ZAP70: variants seen among roughly 807,000 people sequenced by gnomAD.
ZAP70 encodes the protein zeta chain of T cell receptor associated protein kinase 70.
In ZAP70, 27 loss-of-function variants were observed where a neutral mutation model predicts 65.8. The ratio of observed to expected loss-of-function variants is 0.41; its 90% CI spans 0.30 to 0.57. The LOEUF is 0.57. ZAP70 is among the 20% of genes least tolerant of loss of function. The pLI is 0.28. For synonymous variants in ZAP70, 363 were observed against 360.8 expected, an observed-to-expected ratio of 1.01 and a Z score of -0.07; for missense variants, 696 against 870.5, an observed-to-expected ratio of 0.80 and a Z score of 2.52.
At chr2:97,717,424 G>A (rs1163043062) in intron 2 of ZAP70, among the ~76,000 whole-genome samples, 2 of 147,412 alleles carry the variant, frequency 1.4e-5, no homozygotes, top group East Asian at 4.0e-4. Flanking sequence ...GCCTCTGGCT[G>A]GGGTGACATG....
At chr2:97,748,450 G>A in the ZAP70 span, among the ~76,000 whole-genome samples, 1 of 152,142 alleles carries the variant, frequency 6.6e-6, no homozygotes, top group Non-Finnish European at 1.5e-5. Context: ...AGGCGAGGAG[G>A]CAACAGGCTG....
chr2:97,746,271 T>A, the ZAP70 span, among the ~76,000 whole-genome samples: 1 of 152,210 alleles, frequency 6.6e-6, no homozygotes, highest in African/African-American at 2.4e-5. Context: ...ACACTGTGAA[T>A]GTAATTGACA....
chr2:97,719,051 G>A (rs62157584), intron 2 of ZAP70, among the ~76,000 whole-genome samples: 12,767 of 152,200 alleles, frequency 0.084, 826 homozygotes, highest in Non-Finnish European at 0.12. Context: ...ATCCAATGCA[G>A]TAGCCATTAG....
At chr2:97,751,394 T>A in the ZAP70 span, among the ~76,000 whole-genome samples, 2 of 152,214 alleles carry the variant, frequency 1.3e-5, no homozygotes, top group South Asian at 2.1e-4. Flanking sequence ...TCAAACTGTA[T>A]ACAGTGGCAT....
downstream of ZAP70, among the ~76,000 whole-genome samples, chr2:97,740,710 G>T (rs532135791): frequency 1.3e-5 from 2 of 152,084 alleles, no homozygotes; most frequent in Non-Finnish European, 2.9e-5. Flanking sequence ...TCCAGAGGCC[G>T]AGGCCAGCTG....
At chr2:97,733,500 C>T in intron 7 of ZAP70, 44 bp from the exon 8 acceptor site, 1 of 1,612,978 alleles carries the variant, frequency 6.2e-7, no homozygotes. Flanking sequence ...ATGAGAGGGG[C>T]TGGACGTCCC....
chr2:97,741,190 A>C (rs1299212732), downstream of ZAP70, among the ~76,000 whole-genome samples: 4 of 152,168 alleles, frequency 2.6e-5, no homozygotes, highest in African/African-American at 9.7e-5. Flanking sequence ...TCCAGAGGCC[A>C]TTATTTCAGT....
rs1054368473 is a variant in ZAP70 at position 97,737,680 on chromosome 2, C to T, written c.1482+15C>T. ...GCTACTACACTGTAAGCCTCTGCCC[C>T]TGTGATGCCCGACTGGATGGGCTGG... On this transcript the variant is annotated intron_variant, in intron 11 of 13. Coordinates refer to ENST00000264972, the MANE Select transcript of ZAP70 (RefSeq NM_001079.4). This position sits in a 1 kb window ranked among gnomAD's most constrained non-coding sequence, Gnocchi z 5.0. 6.2e-7 allele frequency: 1 copy of T among 1,614,064 alleles called. No homozygotes were observed. The highest frequency in any genetic ancestry group is 1.3e-5 in the African/African-American group (1 of 75,038).
At chr2:97,748,343 A>G in the ZAP70 span, among the ~76,000 whole-genome samples, 1 of 152,216 alleles carries the variant, frequency 6.6e-6, no homozygotes, top group Non-Finnish European at 1.5e-5. Context: ...AGTTTAAAGC[A>G]GGTTTTCTTT....
At chr2:97,742,030 C>T (rs1040168069), downstream of ZAP70, among the ~76,000 whole-genome samples, 1 of 152,136 alleles carries the variant, frequency 6.6e-6, no homozygotes, top group African/African-American at 2.4e-5. Context: ...AAGAAAGTAT[C>T]CCAGGGAGCA....
intron 5 of ZAP70, 44 bp downstream of exon 5, chr2:97,733,065 A>G: frequency 3.1e-6 from 5 of 1,613,980 alleles, no homozygotes; most frequent in Non-Finnish European, 4.2e-6. Flanking sequence ...CCGTGCTCAG[A>G]TGGGGTGCCG....
rs1313415781 is a variant in ZAP70 at position 97,736,113 on chromosome 2, G to T, written c.1289+657G>T. On this transcript the variant is annotated intron_variant, in intron 10 of 13. Transcript: ENST00000264972. This position sits in a 1 kb window ranked among gnomAD's most constrained non-coding sequence, Gnocchi z 4.0. Reference sequence around the variant, plus strand: ...GGCCAAATTCATGGCCCCTGGGAAAGTGCCCATTGCCAGTTATCTGGAACC... The same window carrying T: ...GGCCAAATTCATGGCCCCTGGGAAATTGCCCATTGCCAGTTATCTGGAACC... 6.6e-6 allele frequency among the ~76,000 whole-genome samples: 1 copy of T among 152,196 alleles called. No individual in the cohort carries two copies. The highest frequency in any genetic ancestry group is 1.9e-4 in the East Asian group (1 of 5,200).
the ZAP70 span, among the ~76,000 whole-genome samples, chr2:97,753,192 C>A: frequency 6.6e-6 from 1 of 152,238 alleles, no homozygotes; most frequent in South Asian, 2.1e-4. Context: ...TTTACCTACA[C>A]TGTTTTGTAA....
intron 2 of ZAP70, 111 bp from the exon 3 acceptor site, chr2:97,723,905 C>A: frequency 7.9e-7 from 1 of 1,261,146 alleles, no homozygotes; most frequent in Non-Finnish European, 1.1e-6. Context: ...TTGGCGAGCT[C>A]AGTCTGCGGC....
At chr2:97,738,276 A>G in intron 13 of ZAP70, 169 bp downstream of exon 13, 1 of 698,876 alleles carries the variant, frequency 1.4e-6, no homozygotes, top group East Asian at 2.7e-5. Context: ...TCTCCAACAC[A>G]CCAGGGTTTG....
intron 2 of ZAP70, among the ~76,000 whole-genome samples, chr2:97,717,296 C>G (rs1363016833): frequency 1.3e-5 from 2 of 150,742 alleles, no homozygotes; most frequent in African/African-American, 4.9e-5. Context: ...GGCTGGGGCC[C>G]TGCTCCTGCA....
At chr2:97,752,260 C>T in the ZAP70 span, among the ~76,000 whole-genome samples, 1 of 152,240 alleles carries the variant, frequency 6.6e-6, no homozygotes, top group Non-Finnish European at 1.5e-5. Flanking sequence ...ATCAGGATTT[C>T]ATTCACAGGG....
In ZAP70 at chr2:97,737,649, A is replaced by G. The variant is rs200914614; in HGVS notation, c.1466A>G (p.Asp489Gly). ...GGCCTCTCCAAAGCACTGGGTGCCG[A>G]CGACAGCTACTACACTGTAAGCCTC... ...DFGLSKALGA[D>G]DSYYTARSAG... The change falls in exon 11 of 14, where the codon GAC becomes GGC. Residue 489 changes from aspartate to glycine, a missense_variant. Transcript: ENST00000264972. This position sits in a 1 kb window ranked among gnomAD's most constrained non-coding sequence, Gnocchi z 5.0. The G allele has an allele frequency of 6.0e-5, 97 of 1,613,936 alleles. No individual in the cohort carries two copies. The highest frequency in any genetic ancestry group is 8.2e-5 in the Non-Finnish European group (97 of 1,179,996).
intron 10 of ZAP70, among the ~76,000 whole-genome samples, chr2:97,735,698 C>G (rs192931103): frequency 1.6e-4 from 24 of 152,212 alleles, no homozygotes; most frequent in Non-Finnish European, 3.4e-4. Context: ...TTGCGAGGAT[C>G]GAATGAGTCG....
Sources: allele counts gnomAD v4.1 joint callset (sites outside exome capture counted in the v4.1 genomes callset), GRCh38; gene constraint gnomAD v4.1.1; non-coding constraint Gnocchi (gnomAD v3.1); transcripts MANE v1.5; gene names NCBI Gene and HGNC (gene_info 2026-07-23, HGNC 2026-07-21).